The following SPOCK3 variants were observed in gnomAD, a reference collection of about 807,000 sequenced individuals.
SPOCK3 encodes the protein SPARC (osteonectin), cwcv and kazal like domains proteoglycan 3.
Under a neutral mutation model 56.6 loss-of-function variants are expected in SPOCK3, and 30 were observed. The ratio of observed to expected loss-of-function variants is 0.53; its 90% CI spans 0.40 to 0.72. SPOCK3 has a LOEUF of 0.72. Ranked by LOEUF, SPOCK3 falls within the 30% of genes least tolerant of loss-of-function variation. The pLI is 0.00. For synonymous variants in SPOCK3, 196 were observed against 183.3 expected (o/e 1.07, Z -0.56); for missense variants, 527 against 530.0 (o/e 0.99, Z 0.06).
intron 4 of SPOCK3, among the ~76,000 whole-genome samples, chr4:166,937,780 C>T (rs1244576162): frequency 2.9e-5 from 4 of 139,604 alleles, no homozygotes; most frequent in African/African-American, 1.1e-4. Context: ...TTTTTTGAGA[C>T]GGAGTGTCAC....
intron 6 of SPOCK3, among the ~76,000 whole-genome samples, chr4:166,802,792 T>C (rs925244111): frequency 2.0e-5 from 3 of 152,132 alleles, no homozygotes; most frequent in African/African-American, 7.2e-5. Flanking sequence ...TTCACACATA[T>C]ACACACACAT....
Position 166,971,817 on chromosome 4 carries a change from C to T in SPOCK3, c.350+28532G>A, listed in dbSNP as rs187762788. Among the ~76,000 whole-genome samples the T allele has an allele frequency of 1.0e-3, 158 of 152,140 alleles. 4 individuals are homozygous for T. The highest frequency in any genetic ancestry group is 1.3e-4 in the Non-Finnish European group (9 of 67,990). On this transcript the variant is annotated intron_variant, in intron 4 of 10. Transcript: ENST00000357545. ...ACACAAATATTAGGGCAATTTTCAC[C>T]AATGGCAAATGGAGAATTACTCTCT... is the stretch of plus-strand genomic sequence containing the variant.
At chr4:166,839,674 C>A (rs1329185304) in intron 6 of SPOCK3, among the ~76,000 whole-genome samples, 2 of 152,162 alleles carry the variant, frequency 1.3e-5, no homozygotes, top group African/African-American at 4.8e-5. Flanking sequence ...ACTGTGTCCT[C>A]AAGTTCACCC....
intron 2 of SPOCK3, chr4:167,119,660 G>C: frequency 1.7e-6 from 1 of 604,398 alleles, no homozygotes; most frequent in Non-Finnish European, 2.8e-6. Context: ...ATCAGTCATA[G>C]ACTTGTTTGT....
At chr4:166,901,054 CT>C (rs1409556166) in intron 5 of SPOCK3, among the ~76,000 whole-genome samples, 1 of 152,114 alleles carries the variant, frequency 6.6e-6, no homozygotes. Context: ...CCAGACATTC[CT>C]TTTTTCCATT....
intron 3 of SPOCK3, among the ~76,000 whole-genome samples, chr4:167,004,630 A>G (rs1035826082): frequency 6.6e-6 from 1 of 152,226 alleles, no homozygotes; most frequent in African/African-American, 2.4e-5. Context: ...GAGAGAAAGA[A>G]TAAGAACCTG....
chr4:166,881,472 A>AT (rs1320868498), intron 6 of SPOCK3, among the ~76,000 whole-genome samples: 22 of 152,102 alleles, frequency 1.4e-4, no homozygotes, highest in African/African-American at 5.3e-4. Flanking sequence ...ACAGAAAAAG[A>AT]ATTCATTTTT....
chr4:167,029,953 C>A (rs909450934), intron 3 of SPOCK3, among the ~76,000 whole-genome samples: 9 of 151,856 alleles, frequency 5.9e-5, no homozygotes, highest in African/African-American at 2.2e-4. Context: ...GGCTTTATTT[C>A]TTTCTGTTTC....
chr4:166,742,075 A>C lies in SPOCK3; in HGVS notation c.932-16T>G. The C allele has an allele frequency of 6.3e-7, 1 of 1,593,094 alleles. No homozygotes were observed. The highest frequency in any genetic ancestry group is 1.1e-5 in the South Asian group (1 of 89,994). On this transcript the variant is annotated splice_polypyrimidine_tract_variant and intron_variant, in intron 8 of 10. Coordinates refer to ENST00000357545, the MANE Select transcript of SPOCK3 (RefSeq NM_001040159.2). ...CAAGGTGGGTCTGCAATGACATTAAAAATGTTACTTCAAGGATTCTAGTTA... is the reference window on the plus strand; with the variant it reads ...CAAGGTGGGTCTGCAATGACATTAACAATGTTACTTCAAGGATTCTAGTTA...
chr4:166,829,453 A>T (rs1321303101), intron 6 of SPOCK3, among the ~76,000 whole-genome samples: 2 of 152,060 alleles, frequency 1.3e-5, no homozygotes, highest in East Asian at 3.9e-4. Context: ...TCCAACTTGG[A>T]ATTTTTTATT....
At chr4:166,850,651 T>A (rs945334072) in intron 6 of SPOCK3, among the ~76,000 whole-genome samples, 2 of 152,206 alleles carry the variant, frequency 1.3e-5, no homozygotes, top group African/African-American at 4.8e-5. Flanking sequence ...ATTGCCTCAC[T>A]CGGGAAGCGC....
intron 2 of SPOCK3, among the ~76,000 whole-genome samples, chr4:167,137,426 TGGA>T (rs1763214221): frequency 6.6e-6 from 1 of 151,948 alleles, no homozygotes; most frequent in African/African-American, 2.4e-5. Flanking sequence ...AAATTCAATA[TGGA>T]GGAGGATAGA....
At chr4:166,926,890 C>T (rs115771969) in intron 4 of SPOCK3, among the ~76,000 whole-genome samples, 4 of 152,098 alleles carry the variant, frequency 2.6e-5, no homozygotes, top group Non-Finnish European at 5.9e-5. Flanking sequence ...GTCTGTCTCT[C>T]TCGCGTTTCA....
intron 4 of SPOCK3, among the ~76,000 whole-genome samples, chr4:166,971,234 T>C (rs1320325323): frequency 1.3e-5 from 2 of 152,170 alleles, no homozygotes; most frequent in Non-Finnish European, 2.9e-5. Flanking sequence ...AGGTTTTCCA[T>C]CATGTAAATA....
In SPOCK3 at chr4:167,180,653, G is replaced by C. The variant is rs1318558181; in HGVS notation, c.189+53332C>G. ...TATTTTAGAATCAATAACCTGGTTG[G>C]TGGTTCATTCTGTGCCTGGCCTATT... On this transcript the variant is annotated intron_variant, in intron 2 of 10. Transcript: ENST00000357545. 4.6e-5 allele frequency among the ~76,000 whole-genome samples: 7 copies of C among 152,238 alleles called. No homozygotes were observed. The East Asian group carries it at 1.4e-3, about 29-fold the overall frequency.
At chr4:166,909,173 T>C (rs1378931303) in intron 5 of SPOCK3, among the ~76,000 whole-genome samples, 1 of 152,126 alleles carries the variant, frequency 6.6e-6, no homozygotes, top group Non-Finnish European at 1.5e-5. Flanking sequence ...TCATTTTTCT[T>C]TTTGTGTATG....
intron 2 of SPOCK3, among the ~76,000 whole-genome samples, chr4:167,165,348 C>G (rs1005969879): frequency 4.6e-5 from 7 of 151,944 alleles, no homozygotes; most frequent in Admixed American, 3.3e-4. Context: ...CTACAAGGAT[C>G]TTAAATAAAT....
intron 4 of SPOCK3, among the ~76,000 whole-genome samples, chr4:166,989,548 T>C (rs1208455005): frequency 6.6e-6 from 1 of 152,132 alleles, no homozygotes; most frequent in Non-Finnish European, 1.5e-5. Flanking sequence ...GTGTTTAAGT[T>C]TGGAAATGAA....
intron 4 of SPOCK3, among the ~76,000 whole-genome samples, chr4:166,998,606 G>C (rs1748632756): frequency 6.6e-6 from 1 of 152,114 alleles, no homozygotes; most frequent in Admixed American, 6.6e-5. Context: ...GTGTCAAAAC[G>C]AGTGTGTCTC....
Sources: gnomAD v4.1 joint callset for allele counts (sites outside exome capture counted in the v4.1 genomes callset) on GRCh38, gnomAD v4.1.1 for gene constraint, MANE v1.5 for transcripts, NCBI Gene and HGNC (gene_info 2026-07-23, HGNC 2026-07-21) for gene names.